The following SSPN variants were observed in gnomAD, a reference collection of about 807,000 sequenced individuals.
SSPN encodes the protein K-ras oncogene-associated protein.
SSPN carries 15 observed loss-of-function variants against 19.1 expected under a neutral mutation model. That is an observed-to-expected ratio of 0.78 (90% CI 0.52 to 1.21). The LOEUF (loss-of-function observed/expected upper bound fraction) is 1.21, where lower values mean the gene tolerates loss of function less well. SSPN is among the 50% of genes most tolerant of loss of function. SSPN has a pLI of 0.00. For missense variants in SSPN, 291 were observed against 314.0 expected, an observed-to-expected ratio of 0.93 and a Z score of 0.55; for synonymous variants, 147 against 140.3, an observed-to-expected ratio of 1.05 and a Z score of -0.34.
At chr12:26,154,282 C>T (rs1227723283) in intron 1 of SSPN, among the ~76,000 whole-genome samples, 1 of 152,230 alleles carries the variant, frequency 6.6e-6, no homozygotes, top group Non-Finnish European at 1.5e-5. Flanking sequence ...CTTTACTCTA[C>T]AGTGAGCTTT....
Position 26,213,226 on chromosome 12 carries a change from G to A in SSPN, c.280-11067G>A, listed in dbSNP as rs543551377. Among the ~76,000 whole-genome samples the A allele has an allele frequency of 7.9e-5, 12 of 152,042 alleles. No homozygotes were observed. The East Asian group carries it at 1.4e-3, about 17-fold the overall frequency. On this transcript the variant is annotated intron_variant, in intron 1 of 2. Transcript: ENST00000242729. The stretch of plus-strand genomic sequence containing the variant: ...GCATGGGACATAGTTCCTAAGATTG[G>A]CATTTCCTGGGTAGTAGATTATATA...
intron 1 of SSPN, among the ~76,000 whole-genome samples, chr12:26,136,721 G>A (rs1184813204): frequency 6.6e-6 from 1 of 152,194 alleles, no homozygotes; most frequent in Non-Finnish European, 1.5e-5. Context: ...TAAAACAGAA[G>A]GCCAGACCTG....
chr12:26,193,727 T>A (rs1944803137), upstream of SSPN, among the ~76,000 whole-genome samples: 1 of 152,212 alleles, frequency 6.6e-6, no homozygotes, highest in Non-Finnish European at 1.5e-5. Flanking sequence ...CACTCTGTTT[T>A]TCTGGTAAGA....
At chr12:26,199,653 G>A (rs998800887) in intron 1 of SSPN, among the ~76,000 whole-genome samples, 5 of 152,176 alleles carry the variant, frequency 3.3e-5, no homozygotes, top group African/African-American at 9.7e-5. Context: ...AATTCTTATT[G>A]ATGAAAAATG....
chr12:26,214,760 C>A (rs1021671804), intron 1 of SSPN: 2 of 151,758 alleles, frequency 1.3e-5, no homozygotes, highest in African/African-American at 4.8e-5. Context: ...ATTTTGTGTT[C>A]CTTTATCTTG....
intron 1 of SSPN, among the ~76,000 whole-genome samples, chr12:26,156,997 A>T (rs993895563): frequency 2.0e-5 from 3 of 152,246 alleles, no homozygotes; most frequent in Non-Finnish European, 4.4e-5. Flanking sequence ...TTCTAATGGT[A>T]AATTTGAGGT....
At chr12:26,136,197 G>A (rs973454675) in intron 1 of SSPN, among the ~76,000 whole-genome samples, 1 of 152,214 alleles carries the variant, frequency 6.6e-6, no homozygotes, top group East Asian at 1.9e-4. Context: ...GATGACGTGT[G>A]TAGGCTATGT....
intron 1 of SSPN, among the ~76,000 whole-genome samples, chr12:26,160,076 T>C (rs1944578277): frequency 6.6e-6 from 1 of 152,146 alleles, no homozygotes; most frequent in Non-Finnish European, 1.5e-5. Context: ...GACTGGGAAA[T>C]TTCAGCACAA....
chr12:26,158,870 GC>G (rs1411839549), intron 1 of SSPN, among the ~76,000 whole-genome samples: 1 of 152,248 alleles, frequency 6.6e-6, no homozygotes, highest in Non-Finnish European at 1.5e-5. Context: ...ACCTGCTCTT[GC>G]CAGTAGAGCC....
At chr12:26,185,973 T>C (rs1944751219) in intron 1 of SSPN, among the ~76,000 whole-genome samples, 1 of 152,222 alleles carries the variant, frequency 6.6e-6, no homozygotes, top group Non-Finnish European at 1.5e-5. Flanking sequence ...CTTGGCAATA[T>C]CAGGCACTCC....
chr12:26,207,622 A>G (rs1283914160), intron 1 of SSPN, among the ~76,000 whole-genome samples: 1 of 152,202 alleles, frequency 6.6e-6, no homozygotes, highest in Non-Finnish European at 1.5e-5. Flanking sequence ...TTTCTGCTCA[A>G]CATCGTTTTT....
intron 1 of SSPN, among the ~76,000 whole-genome samples, chr12:26,150,098 C>G (rs1165490896): frequency 6.6e-6 from 1 of 152,100 alleles, no homozygotes; most frequent in Non-Finnish European, 1.5e-5. Flanking sequence ...CCTAGGGCAC[C>G]CATGGTTTAT....
chr12:26,225,128 T>A (rs188332972), intron 2 of SSPN, among the ~76,000 whole-genome samples: 75 of 152,110 alleles, frequency 4.9e-4, no homozygotes, highest in Admixed American at 3.7e-3. Context: ...TTTTTTTTTT[T>A]AATTTGGTCC....
chr12:26,219,087 A>G (rs1237051464), intron 1 of SSPN, among the ~76,000 whole-genome samples: 1 of 152,208 alleles, frequency 6.6e-6, no homozygotes, highest in East Asian at 1.9e-4. Flanking sequence ...AACGGGGGTA[A>G]GGAAGGAGAA....
intron 1 of SSPN, among the ~76,000 whole-genome samples, chr12:26,147,643 T>C (rs1944500931): frequency 6.6e-6 from 1 of 152,218 alleles, no homozygotes; most frequent in African/African-American, 2.4e-5. Context: ...ACACCAGAAA[T>C]TTCTGTGTGA....
At chr12:26,200,360 T>C (rs1944866795) in intron 1 of SSPN, among the ~76,000 whole-genome samples, 2 of 152,252 alleles carry the variant, frequency 1.3e-5, no homozygotes, top group Non-Finnish European at 2.9e-5. Context: ...TGTTAACTTA[T>C]CCTAAGAAAT....
chr12:26,160,002 T>C (rs1944577927), intron 1 of SSPN, among the ~76,000 whole-genome samples: 1 of 152,202 alleles, frequency 6.6e-6, no homozygotes, highest in Non-Finnish European at 1.5e-5. Flanking sequence ...GATGAGCATT[T>C]GTAGATGATT....
At chr12:26,199,188 G>A (rs939714906) in intron 1 of SSPN, among the ~76,000 whole-genome samples, 1 of 152,170 alleles carries the variant, frequency 6.6e-6, no homozygotes, top group Non-Finnish European at 1.5e-5. Flanking sequence ...CAATGCCTGG[G>A]TGACTTGATG....
At chr12:26,227,501 G>A (rs1945190046) in intron 2 of SSPN, among the ~76,000 whole-genome samples, 1 of 152,202 alleles carries the variant, frequency 6.6e-6, no homozygotes, top group Admixed American at 6.5e-5. Context: ...AGCAACCACT[G>A]TGTTTGTGTA....
Sources: allele counts gnomAD v4.1 joint callset (sites outside exome capture counted in the v4.1 genomes callset), GRCh38; gene constraint gnomAD v4.1.1; transcripts MANE v1.5; gene names NCBI Gene and HGNC (gene_info 2026-07-23, HGNC 2026-07-21).